Variants in GTPBP4 observed in about 807,000 individuals in gnomAD.
The protein encoded by GTPBP4 is GTP-binding protein 4.
In GTPBP4, 15 loss-of-function variants were observed where a neutral mutation model predicts 81.7. The observed-to-expected ratio is 0.18, with a 90% CI of 0.12 to 0.28. The LOEUF (loss-of-function observed/expected upper bound fraction) is 0.28, where lower values mean the gene tolerates loss of function less well. Ranked by LOEUF, GTPBP4 falls within the 10% of genes least tolerant of loss-of-function variation. The pLI, the probability that GTPBP4 is intolerant of heterozygous loss-of-function variation, is 1.00. For synonymous variants in GTPBP4, 272 were observed against 274.6 expected (o/e 0.99, Z 0.09); for missense variants, 847 against 793.8 (o/e 1.07, Z -0.81).
In GTPBP4 at chr10:1,007,780, G is replaced by T. The variant is rs564989131; in HGVS notation, c.1113+652G>T. ...CTCTGTCTTTCCTTGTGTCCTCGGC[G>T]TGGTCGGGCACTGACTGTCAGTCTT... On this transcript the variant is annotated intron_variant, in intron 10 of 16. Transcript: ENST00000360803. 1.7e-4 allele frequency: 75 copies of T among 429,646 alleles called. 1 individual carries two copies. Among genetic ancestry groups the T allele is most frequent in the Admixed American group, 1.4e-3 (49 of 34,484 alleles). The allele number at this position is 429,646 out of a possible 1,614,324, so 26.6% of individuals were successfully genotyped here.
intron 8 of GTPBP4, among the ~76,000 whole-genome samples, chr10:1,001,993 G>A (rs971150915): frequency 6.0e-5 from 9 of 150,902 alleles, no homozygotes; most frequent in South Asian, 4.2e-4. Context: ...GCACGGTCTC[G>A]GCTCAGTGCA....
rs149079982 is a variant in GTPBP4 at position 1,009,571 on chromosome 10, G to C, written c.1234G>C (p.Asp412His). 1.9e-6 allele frequency: 3 copies of C among 1,584,020 alleles called. No homozygotes were observed. The highest frequency in any genetic ancestry group is 2.6e-6 in the Non-Finnish European group (3 of 1,152,676). Residue 412 changes from aspartate to histidine, a missense_variant, in exon 12 of 17, where the codon GAT (aspartate) becomes CAT (histidine). Physicochemically the swap from Asp to His is moderately conservative, Grantham distance 81 (BLOSUM62 -1). This residue lies in a region of GTPBP4 where 600 missense variants were observed against 557.1 expected (regional missense o/e 1.08). Transcript: ENST00000360803. Reference sequence around the variant, plus strand: ...GGAAATGGGAGATGATTATATTTTGGATCTTCAGAGTAAGGGCCAGAGTGT... The same window carrying C: ...GGAAATGGGAGATGATTATATTTTGCATCTTCAGAGTAAGGGCCAGAGTGT... Reference protein sequence around the residue: ...ELEMGDDYILDLQKYWDLMNL... With the variant: ...ELEMGDDYILHLQKYWDLMNL...
chr10:1,006,898 G>A (rs1242260699), intron 9 of GTPBP4, 120 bp from the exon 10 acceptor site: 19 of 669,584 alleles, frequency 2.8e-5, no homozygotes, highest in South Asian at 1.9e-4. Flanking sequence ...GGCCCCCTAC[G>A]TGTTAGTTAC....
chr10:991,335 A>G lies in GTPBP4; in HGVS notation c.49-1154A>G, dbSNP rs1327064363. Among the ~76,000 whole-genome samples, 4 of 152,336 alleles carry G rather than the reference A, an allele frequency of 2.6e-5. No homozygotes were observed. The East Asian group carries it at 5.8e-4, about 22-fold the overall frequency. ...GTTGAATTAATCAAAGTGTTCAAGA[A>G]AAAAGGTCAAGTAATATTGTGTGGC... On this transcript the variant is annotated intron_variant, in intron 1 of 16. Transcript: ENST00000360803.
chr10:1,019,701 T>G lies in GTPBP4; in HGVS notation c.*2474T>G. 3 of 1,614,042 alleles carry G rather than the reference T, an allele frequency of 1.9e-6. No individual in the cohort carries two copies. Among genetic ancestry groups the G allele is most frequent in the Non-Finnish European group, 2.5e-6 (3 of 1,180,014 alleles). ...GGACAGGTAGAGGATGCTTTTCGTTTCACTGGGATCCGGGTTCAGAGTGAC... is the reference window on the plus strand; with the variant it reads ...GGACAGGTAGAGGATGCTTTTCGTTGCACTGGGATCCGGGTTCAGAGTGAC... On this transcript the variant is annotated 3_prime_UTR_variant, in exon 17 of 17. Transcript: ENST00000360803.
chr10:992,659 T>C lies in GTPBP4; in HGVS notation c.219T>C (p.Asp73=), dbSNP rs773574749. 3 of 1,590,576 alleles carry C rather than the reference T, an allele frequency of 1.9e-6. No homozygotes were observed. Among genetic ancestry groups the C allele is most frequent in the South Asian group, 2.2e-5 (2 of 89,654 alleles). The change falls in exon 2 of 17, where the codon GAT becomes GAC. Residue 73 remains aspartate, a splice_region_variant and synonymous_variant. Coordinates refer to ENST00000360803, the MANE Select transcript of GTPBP4 (RefSeq NM_012341.3). ...SQILTDFPKL[D]DIHPFYADLM... ...TTCTAACAGATTTCCCCAAATTGGA[T>C]GTAAGTGACTTAGGGGACTTCTGTG...
chr10:1,001,133 T>C (rs1831623589), intron 8 of GTPBP4, 120 bp downstream of exon 8: 1 of 682,696 alleles, frequency 1.5e-6, no homozygotes, highest in African/African-American at 1.8e-5. Context: ...ATTTTATAGT[T>C]GAGATAATAT....
chr10:1,019,842 CA>C lies in GTPBP4; in HGVS notation c.*2616del. On this transcript the variant is annotated 3_prime_UTR_variant, in exon 17 of 17. Coordinates refer to ENST00000360803, the MANE Select transcript of GTPBP4 (RefSeq NM_012341.3). ...AATGTCCTCTGGAGAAATCTATTGA[CA>C]GAAATTGGTGCAGTGTTAACAACGC... The C allele has an allele frequency of 6.2e-7, 1 of 1,604,234 alleles. No homozygotes were observed. Among genetic ancestry groups the C allele is most frequent in the Non-Finnish European group, 8.5e-7 (1 of 1,171,262 alleles).
Position 1,009,522 on chromosome 10 carries a change from A to G in GTPBP4, c.1192-7A>G. 1 of 1,592,828 alleles carries G rather than the reference A, an allele frequency of 6.3e-7. No individual in the cohort carries two copies. On this transcript the variant is annotated splice_region_variant and splice_polypyrimidine_tract_variant and intron_variant, in intron 11 of 16. Coordinates refer to ENST00000360803, the MANE Select transcript of GTPBP4 (RefSeq NM_012341.3). ...GAAGCTGATGATAATTTCTCTTTCT[A>G]TTGCAGGAACGAGATCTTGAGCTGG...
Position 992,523 on chromosome 10 carries a change from G to A in GTPBP4, c.83G>A (p.Arg28Gln), listed in dbSNP as rs774844408. ...GACCTCACGTTGTCGAAGACTCAACGAAAGACTCCAACCGTTATTCATAAA... is the reference window on the plus strand; with the variant it reads ...GACCTCACGTTGTCGAAGACTCAACAAAAGACTCCAACCGTTATTCATAAA... ...FIDLTLSKTQ[R>Q]KTPTVIHKHY... is the part of the protein sequence containing the mutation. The change falls in exon 2 of 17, where the codon CGA becomes CAA. Residue 28 changes from arginine (R) to glutamine (Q), a missense_variant. Arg to Gln is a conservative substitution (Grantham distance 43). Coordinates refer to ENST00000360803, the MANE Select transcript of GTPBP4 (RefSeq NM_012341.3). 5 of 1,606,150 alleles carry A rather than the reference G, an allele frequency of 3.1e-6. No homozygotes were observed. The highest frequency in any genetic ancestry group is 1.3e-5 in the African/African-American group (1 of 74,786).
At position 998,969 on chromosome 10, in the gene GTPBP4, A is replaced by T. The variant is rs1214390201; in HGVS notation, c.562-34A>T. On this transcript the variant is annotated intron_variant, in intron 5 of 16. Transcript: ENST00000360803. ...CAGATCCCACGTGTACACAGAGGAA[A>T]TGAGGTGATTCTGAAAGTTCTCACT... 13 of 1,145,110 alleles carry T rather than the reference A, an allele frequency of 1.1e-5. 1 individual carries two copies. Among genetic ancestry groups the T allele is most frequent in the Non-Finnish European group, 1.7e-5 (13 of 751,178 alleles). 70.9% of individuals were successfully genotyped at this position (1,145,110 alleles called of 1,614,324 possible).
intron 15 of GTPBP4, among the ~76,000 whole-genome samples, chr10:1,014,632 C>T (rs1382498869): frequency 2.0e-5 from 3 of 152,140 alleles, no homozygotes; most frequent in African/African-American, 4.8e-5. Flanking sequence ...GTACTCCAGC[C>T]TGGGCGACAG....
intron 8 of GTPBP4, among the ~76,000 whole-genome samples, chr10:1,004,659 C>T (rs1831692947): frequency 6.6e-6 from 1 of 152,170 alleles, no homozygotes; most frequent in Admixed American, 6.5e-5. Context: ...CCCTGAGAGG[C>T]CACGGTGCTA....
chr10:1,015,462 GGGGCTGGGGTCCT>G lies in GTPBP4; in HGVS notation c.1609-289_1609-277del, dbSNP rs1214096468. Reference sequence around the variant, plus strand: ...GGTCCTGAGCGCTGAGCCTGGGAGTGGGGCTGGGGTCCTGAGCGCTGAGCCTGGGAGTGGGGCT... The same window carrying G: ...GGTCCTGAGCGCTGAGCCTGGGAGTGGAGCGCTGAGCCTGGGAGTGGGGCT... On this transcript the variant is annotated intron_variant, in intron 15 of 16. Transcript: ENST00000360803. Among the ~76,000 whole-genome samples the G allele has an allele frequency of 2.2e-3, 190 of 85,682 alleles. 10 individuals are homozygous for G. The highest frequency in any genetic ancestry group is 3.4e-3 in the African/African-American group (70 of 20,592). 56.2% of individuals were successfully genotyped at this position (85,682 alleles called of 152,430 possible). A position where few individuals can be genotyped will look rare whatever the true frequency, so the allele number is the denominator to read the frequency against.
chr10:1,012,494 G>A lies in GTPBP4; in HGVS notation c.1374G>A (p.Glu458=). The A allele has an allele frequency of 6.2e-7, 1 of 1,609,118 alleles. No individual in the cohort carries two copies. Among genetic ancestry groups the A allele is most frequent in the Non-Finnish European group, 8.5e-7 (1 of 1,177,582 alleles). ...TGGAAGAATTAGAAAAAGAAGAAGAGCTGAGAACAGCTGCTGGAGAGTATG... is the reference window on the plus strand; with the variant it reads ...TGGAAGAATTAGAAAAAGAAGAAGAACTGAGAACAGCTGCTGGAGAGTATG... The part of the protein sequence containing the change: ...KKLEELEKEE[E]LRTAAGEYDS... Residue 458 remains glutamate (E), a synonymous_variant, in exon 14 of 17, where the codon GAG becomes GAA. Coordinates refer to ENST00000360803, the MANE Select transcript of GTPBP4 (RefSeq NM_012341.3).
In GTPBP4 at chr10:1,014,277, C is replaced by G; in HGVS notation, c.1573C>G (p.Arg525Gly). The G allele has an allele frequency of 1.2e-6, 2 of 1,607,576 alleles. No individual in the cohort carries two copies. Among genetic ancestry groups the G allele is most frequent in the Non-Finnish European group, 1.7e-6 (2 of 1,174,538 alleles). Residue 525 changes from arginine to glycine, a missense_variant, in exon 15 of 17, where the codon CGT becomes GGT. Around this residue, in one of 3 missense-constraint regions of GTPBP4, gnomAD observed 600 missense variants for 557.1 expected, o/e 1.08. Coordinates refer to ENST00000360803, the MANE Select transcript of GTPBP4 (RefSeq NM_012341.3). Reference sequence around the variant, plus strand: ...GAGGACAGTTTTGGAGAAGGAGATGCGTAGTCTTGGTGTTGACATGGACGA... The same window carrying G: ...GAGGACAGTTTTGGAGAAGGAGATGGGTAGTCTTGGTGTTGACATGGACGA... ...VQRTVLEKEM[R>G]SLGVDMDDKD...
At chr10:1,013,436 C>A (rs1006885093) in intron 14 of GTPBP4, among the ~76,000 whole-genome samples, 2 of 151,532 alleles carry the variant, frequency 1.3e-5, no homozygotes, top group Non-Finnish European at 2.9e-5. Flanking sequence ...AGTGAAACCC[C>A]GTCTCTACTA....
chr10:989,470 G>A (rs1253209330), intron 1 of GTPBP4, among the ~76,000 whole-genome samples: 5 of 152,116 alleles, frequency 3.3e-5, no homozygotes, highest in Non-Finnish European at 7.4e-5. Context: ...TTCGATTTGG[G>A]TCGCAATTAC....
At chr10:1,009,083 C>T in intron 11 of GTPBP4, 48 bp downstream of exon 11, 1 of 1,374,288 alleles carries the variant, frequency 7.3e-7, no homozygotes, top group South Asian at 1.2e-5. Flanking sequence ...GGGAGGCAGG[C>T]TGTGTGTGCC....
Sources: allele counts gnomAD v4.1 joint callset (sites outside exome capture counted in the v4.1 genomes callset), GRCh38; gene constraint gnomAD v4.1.1; regional missense constraint gnomAD v4.1.1; transcripts MANE v1.5; gene names NCBI Gene and HGNC (gene_info 2026-07-23, HGNC 2026-07-21).